Variants in CYFIP1 observed in about 807,000 individuals in gnomAD.
The protein encoded by CYFIP1 is cytoplasmic FMR1 interacting protein 1, also known as cytoplasmic FMR1-interacting protein 1.
Under a neutral mutation model 163.5 loss-of-function variants are expected in CYFIP1, and 58 were observed. That is an observed-to-expected ratio of 0.35 (90% confidence interval 0.29 to 0.44). The LOEUF (loss-of-function observed/expected upper bound fraction) is 0.44. Among genes scored for constraint, CYFIP1 ranks in the 20% least tolerant of loss-of-function variants. CYFIP1 has a pLI of 1.00. For synonymous variants in CYFIP1, 663 were observed against 660.7 expected (o/e 1.00, Z -0.05); for missense variants, 1,338 against 1,653.8 (o/e 0.81, Z 3.31).
chr15:22,963,504 CATAACATAACAT>C (rs1428458866), intron 1 of CYFIP1, among the ~76,000 whole-genome samples: 2 of 63,668 alleles, frequency 3.1e-5, no homozygotes, highest in East Asian at 8.6e-4. Flanking sequence ...AATAACATAA[CATAACATAACAT>C]AACATAACAT....
chr15:22,937,060 C>T, intron 9 of CYFIP1, 44 bp downstream of exon 9: 1 of 1,354,522 alleles, frequency 7.4e-7, no homozygotes, highest in Non-Finnish European at 1.1e-6. Context: ...ATTCAAAGTG[C>T]ACACAAATCA....
At chr15:22,944,391 T>C (rs2061990618) in intron 5 of CYFIP1, among the ~76,000 whole-genome samples, 167 bp downstream of exon 5, 1 of 152,052 alleles carries the variant, frequency 6.6e-6, no homozygotes, top group African/African-American at 2.4e-5. Flanking sequence ...CGAAAGGGCA[T>C]GAGGAACTTT....
chr15:22,938,322 G>A (rs1408203099), intron 8 of CYFIP1, among the ~76,000 whole-genome samples: 1 of 152,206 alleles, frequency 6.6e-6, no homozygotes, highest in Non-Finnish European at 1.5e-5. Context: ...TCACAAAGCT[G>A]GCGGGGCATG....
chr15:22,966,394 A>G (rs1396948976), intron 1 of CYFIP1, among the ~76,000 whole-genome samples: 3 of 35,868 alleles, frequency 8.4e-5, no homozygotes, highest in Non-Finnish European at 1.8e-4. Flanking sequence ...AAAAAAGACA[A>G]GATTAGGACA....
chr15:22,872,105 C>G (rs1265237625), intron 30 of CYFIP1, among the ~76,000 whole-genome samples: 1 of 151,952 alleles, frequency 6.6e-6, no homozygotes, highest in Non-Finnish European at 1.5e-5. Flanking sequence ...CATGGTGAAA[C>G]CTAGTCTCTA....
In CYFIP1 at chr15:22,932,211, C is replaced by G. The variant is rs369194728; in HGVS notation, c.1110+12G>C. 6.2e-7 allele frequency: 1 copy of G among 1,600,134 alleles called. No individual in the cohort carries two copies. Among genetic ancestry groups the G allele is most frequent in the Non-Finnish European group, 8.5e-7 (1 of 1,171,354 alleles). ...CTCGGGTGCCTGTGCAGCTCCAGGT[C>G]GCGGGGCGCACCTCGCTGTTGCTGT... On this transcript the variant is annotated intron_variant, in intron 11 of 30. Coordinates refer to ENST00000617928, the MANE Select transcript of CYFIP1 (RefSeq NM_014608.6).
Position 22,910,832 on chromosome 15 carries a change from C to T in CYFIP1, c.2083-19G>A, listed in dbSNP as rs762452461. ...GATTCACCTGAAGAAAAAGAAAGCA[C>T]ACGTTACAGTTTGATTCCCTAAAGC... is the stretch of plus-strand genomic sequence containing the variant. On this transcript the variant is annotated intron_variant, in intron 18 of 30. Coordinates refer to ENST00000617928, the MANE Select transcript of CYFIP1 (RefSeq NM_014608.6). 10 of 1,603,940 alleles carry T rather than the reference C, an allele frequency of 6.2e-6. No homozygotes were observed. The highest frequency in any genetic ancestry group is 8.5e-6 in the Non-Finnish European group (10 of 1,171,228).
intron 25 of CYFIP1, among the ~76,000 whole-genome samples, chr15:22,881,641 CTT>C (rs769602164): frequency 2.6e-5 from 4 of 152,284 alleles, no homozygotes; most frequent in Non-Finnish European, 2.9e-5. Context: ...TCAGGGGTCT[CTT>C]GTCTCAACTC....
intron 1 of CYFIP1, among the ~76,000 whole-genome samples, chr15:22,973,609 A>G (rs1343805228): frequency 1.3e-5 from 2 of 152,122 alleles, no homozygotes; most frequent in African/African-American, 2.4e-5. Flanking sequence ...TTCAGATTCC[A>G]CATGTGAGTG....
intron 5 of CYFIP1, among the ~76,000 whole-genome samples, chr15:22,943,603 T>A (rs1353929189): frequency 6.6e-6 from 1 of 152,216 alleles, no homozygotes; most frequent in Non-Finnish European, 1.5e-5. Flanking sequence ...AAAATCTTGC[T>A]GATTATTCCA....
At chr15:22,906,400 G>A (rs1343547090) in intron 21 of CYFIP1, among the ~76,000 whole-genome samples, 1 of 151,292 alleles carries the variant, frequency 6.6e-6, no homozygotes, top group Admixed American at 6.6e-5. Context: ...GAGCCACCGT[G>A]CCCAGCCTAT....
intron 22 of CYFIP1, among the ~76,000 whole-genome samples, chr15:22,895,226 G>A (rs1455541188): frequency 6.6e-6 from 1 of 152,128 alleles, no homozygotes; most frequent in South Asian, 2.1e-4. Flanking sequence ...GTGTTAGCCA[G>A]GATGGTCTCG....
intron 1 of CYFIP1, among the ~76,000 whole-genome samples, chr15:22,949,047 T>C (rs903832775): frequency 1.3e-5 from 2 of 152,170 alleles, no homozygotes; most frequent in African/African-American, 4.8e-5. Context: ...AGAAAGTCTT[T>C]TGTCTACAGA....
Position 22,910,507 on chromosome 15 carries a change from G to C in CYFIP1, c.2268+13C>G. ...ACACTCTACGTCCCCACCACAGCCCGGCCCCAGCTCACCTGCACATGCCTC... is the reference window on the plus strand; with the variant it reads ...ACACTCTACGTCCCCACCACAGCCCCGCCCCAGCTCACCTGCACATGCCTC... On this transcript the variant is annotated intron_variant, in intron 20 of 30. Coordinates refer to ENST00000617928, the MANE Select transcript of CYFIP1 (RefSeq NM_014608.6). 6.2e-7 allele frequency: 1 copy of C among 1,608,330 alleles called. No homozygotes were observed. Among genetic ancestry groups the C allele is most frequent in the African/African-American group, 1.3e-5 (1 of 74,918 alleles).
intron 11 of CYFIP1, among the ~76,000 whole-genome samples, chr15:22,931,048 G>T (rs1163054226): frequency 6.6e-6 from 1 of 152,116 alleles, no homozygotes; most frequent in Non-Finnish European, 1.5e-5. Context: ...AACATACCTG[G>T]ACTACTGGGT....
chr15:22,915,952 C>T (rs777550444), intron 16 of CYFIP1, among the ~76,000 whole-genome samples: 18 of 152,252 alleles, frequency 1.2e-4, no homozygotes, highest in Admixed American at 6.5e-4. Context: ...CCTCGCAGCA[C>T]CCCAGCCAAG....
intron 23 of CYFIP1, among the ~76,000 whole-genome samples, chr15:22,887,700 TAACA>T (rs1285726470): frequency 6.6e-6 from 1 of 151,978 alleles, no homozygotes; most frequent in African/African-American, 2.4e-5. Flanking sequence ...ACAGCTAGGG[TAACA>T]AACAGCAGAT....
intron 30 of CYFIP1, among the ~76,000 whole-genome samples, chr15:22,870,926 G>A (rs574699293): frequency 5.3e-5 from 8 of 152,304 alleles, no homozygotes; most frequent in Non-Finnish European, 4.4e-5. Context: ...GAACATACAC[G>A]CAAACAAAAC....
intron 23 of CYFIP1, among the ~76,000 whole-genome samples, chr15:22,884,756 T>C (rs2059881706): frequency 6.6e-6 from 1 of 152,118 alleles, no homozygotes; most frequent in South Asian, 2.1e-4. Context: ...TTCTCCATGA[T>C]GGCTCCACCC....
Sources: gnomAD v4.1 joint callset for allele counts (sites outside exome capture counted in the v4.1 genomes callset) on GRCh38, gnomAD v4.1.1 for gene constraint, MANE v1.5 for transcripts, NCBI Gene and HGNC (gene_info 2026-07-23, HGNC 2026-07-21) for gene names.